DHRSX: variants seen among roughly 807,000 people sequenced by gnomAD.
DHRSX encodes polyprenol dehydrogenase.
A neutral mutation model predicts 34.0 loss-of-function variants in DHRSX; 31 were observed. That is an observed-to-expected ratio of 0.91 (90% CI 0.69 to 1.23). DHRSX has a LOEUF of 1.23. Among genes scored for constraint, DHRSX ranks in the 50% most tolerant of loss-of-function variants. The pLI is 0.00. For missense variants in DHRSX, 414 were observed against 428.1 expected (o/e 0.97, Z 0.29); for synonymous variants, 201 against 183.8 (o/e 1.09, Z -0.76).
chrX:2,249,514 T>C (rs1478103629), intron 5 of DHRSX, among the ~76,000 whole-genome samples: 3 of 36,826 alleles, frequency 8.1e-5, no homozygotes, highest in Admixed American at 2.2e-4. Flanking sequence ...TTTTTGTGCC[T>C]TTTTTTTTTT....
At chrX:2,286,325 C>CA (rs1487178556) in intron 4 of DHRSX, among the ~76,000 whole-genome samples, 1 of 150,130 alleles carries the variant, frequency 6.7e-6, no homozygotes, top group Non-Finnish European at 1.5e-5. Context: ...CAAACCAAGG[C>CA]AAAAAATGCT....
chrX:2,494,606 A>G (rs1359355980), intron 1 of DHRSX, among the ~76,000 whole-genome samples: 2 of 151,982 alleles, frequency 1.3e-5, no homozygotes, highest in African/African-American at 2.4e-5. Context: ...CTGGCACTTC[A>G]GTCAAAGGTT....
intron 3 of DHRSX, among the ~76,000 whole-genome samples, chrX:2,298,616 A>ACACACACACACACACACACACGCG (rs1556457304): frequency 7.2e-6 from 1 of 138,374 alleles, no homozygotes; most frequent in African/African-American, 3.3e-5. Context: ...ACACACACAC[A>ACACACACACACACACACACACGCG]CACACACACA....
chrX:2,299,980 GAC>G (rs2041992450), intron 3 of DHRSX, among the ~76,000 whole-genome samples: 5 of 152,108 alleles, frequency 3.3e-5, no homozygotes, highest in Admixed American at 2.6e-4. Context: ...CAACTGGAAA[GAC>G]ACAGAGGCAT....
At chrX:2,484,782 A>T (rs1569505925) in intron 1 of DHRSX, among the ~76,000 whole-genome samples, 1 of 152,084 alleles carries the variant, frequency 6.6e-6, no homozygotes, top group African/African-American at 2.4e-5. Flanking sequence ...AGCACATCTG[A>T]GACTCGCAGA....
At chrX:2,479,988 T>A (rs1435179529) in intron 1 of DHRSX, among the ~76,000 whole-genome samples, 1 of 152,262 alleles carries the variant, frequency 6.6e-6, no homozygotes, top group South Asian at 2.1e-4. Flanking sequence ...AAGAATGTTG[T>A]GCAGGATCCA....
intron 1 of DHRSX, among the ~76,000 whole-genome samples, chrX:2,484,409 A>G (rs1239589598): frequency 3.3e-5 from 5 of 152,182 alleles, no homozygotes; most frequent in African/African-American, 1.2e-4. Context: ...GACCTCCCGC[A>G]TCTGACTGCA....
intron 3 of DHRSX, among the ~76,000 whole-genome samples, chrX:2,380,595 G>A (rs1431345817): frequency 6.6e-6 from 1 of 152,110 alleles, no homozygotes; most frequent in Non-Finnish European, 1.5e-5. Context: ...AGCGTTGAGG[G>A]AGGGACCTGG....
chrX:2,350,273 C>T lies in DHRSX; in HGVS notation c.286+58472G>A, dbSNP rs373580123. Reference sequence around the variant, plus strand: ...GGCTGAGGCAGGAGAATCATTTGAACTTGGGAGGCGGAGGTTGCAGTGAGC... The same window carrying T: ...GGCTGAGGCAGGAGAATCATTTGAATTTGGGAGGCGGAGGTTGCAGTGAGC... On this transcript the variant is annotated intron_variant, in intron 3 of 6. Transcript: ENST00000334651. 9.2e-5 allele frequency among the ~76,000 whole-genome samples: 14 copies of T among 152,096 alleles called. No individual in the cohort carries two copies. The East Asian group carries it at 1.7e-3, about 19-fold the overall frequency.
rs192760976 is a variant in DHRSX, at chrX:2,422,300, T to C, written c.217+2897A>G. 5.3e-3 allele frequency among the ~76,000 whole-genome samples: 730 copies of C among 137,266 alleles called. 4 individuals are homozygous for C. The highest frequency in any genetic ancestry group is 0.018 in the African/African-American group (699 of 37,832). The allele number at this position is 137,266 out of a possible 152,430, so 90.1% of individuals were successfully genotyped here. On this transcript the variant is annotated intron_variant, in intron 2 of 6. Coordinates refer to ENST00000334651, the MANE Select transcript of DHRSX (RefSeq NM_145177.3). ...TTTTTTGAGACAGAGTCTCACTCTGTCACCCAGGCTGGAGTGCAGTGGCGC... is the reference window on the plus strand; with the variant it reads ...TTTTTTGAGACAGAGTCTCACTCTGCCACCCAGGCTGGAGTGCAGTGGCGC...
At chrX:2,347,426 G>T (rs189223786) in intron 3 of DHRSX, among the ~76,000 whole-genome samples, 3 of 152,338 alleles carry the variant, frequency 2.0e-5, no homozygotes, top group Admixed American at 2.0e-4. Context: ...GGGCGCGGTG[G>T]CTCACGCCTG....
At chrX:2,420,146 C>T (rs1308311022) in intron 2 of DHRSX, among the ~76,000 whole-genome samples, 4 of 152,046 alleles carry the variant, frequency 2.6e-5, no homozygotes, top group African/African-American at 7.2e-5. Flanking sequence ...CAGTGGCTCA[C>T]GCCTGTAATC....
intron 1 of DHRSX, among the ~76,000 whole-genome samples, chrX:2,432,682 G>C (rs1455243805): frequency 3.3e-5 from 5 of 152,170 alleles, no homozygotes; most frequent in Admixed American, 6.5e-5. Flanking sequence ...TAGCATGCAT[G>C]AGTGAACTCC....
At chrX:2,496,565 C>T (rs572337305) in intron 1 of DHRSX, among the ~76,000 whole-genome samples, 3 of 152,242 alleles carry the variant, frequency 2.0e-5, no homozygotes, top group African/African-American at 7.2e-5. Context: ...GCACCAGAAT[C>T]TCACAAATCA....
At chrX:2,276,265 T>G (rs1230511796) in intron 4 of DHRSX, among the ~76,000 whole-genome samples, 1 of 152,216 alleles carries the variant, frequency 6.6e-6, no homozygotes, top group African/African-American at 2.4e-5. Context: ...TATACTGATG[T>G]TTCATTGCGA....
intron 3 of DHRSX, among the ~76,000 whole-genome samples, chrX:2,294,070 GAA>G (rs1491451112): frequency 2.0e-5 from 3 of 151,206 alleles, no homozygotes; most frequent in East Asian, 1.9e-4. Context: ...GAGAGAGAGA[GAA>G]AGAGAGAAAG....
intron 4 of DHRSX, among the ~76,000 whole-genome samples, chrX:2,272,528 CTG>C (rs1453530440): frequency 4.6e-5 from 7 of 152,176 alleles, no homozygotes; most frequent in Non-Finnish European, 8.8e-5. Context: ...GGTGTAAACA[CTG>C]TGTGACTTCC....
chrX:2,282,586 G>GAGA (rs1218139507), intron 4 of DHRSX, among the ~76,000 whole-genome samples: 1 of 143,486 alleles, frequency 7.0e-6, no homozygotes, highest in Non-Finnish European at 1.5e-5. Context: ...AAGGGAGAGA[G>GAGA]AGAAGAAAGA....
intron 5 of DHRSX, among the ~76,000 whole-genome samples, chrX:2,266,099 C>T (rs181542870): frequency 1.4e-5 from 2 of 148,130 alleles, no homozygotes; most frequent in African/African-American, 5.1e-5. Flanking sequence ...GCAGGGAGCA[C>T]TGTACCCAGA....
Sources: gnomAD v4.1 joint callset for allele counts (sites outside exome capture counted in the v4.1 genomes callset) on GRCh38, gnomAD v4.1.1 for gene constraint, MANE v1.5 for transcripts, NCBI Gene and HGNC (gene_info 2026-07-23, HGNC 2026-07-21) for gene names.